The following NHSL1 variants were observed in gnomAD, a reference collection of about 807,000 sequenced individuals.
NHSL1 encodes NHS-like protein 1.
NHSL1 carries 48 observed loss-of-function variants against 95.0 expected under a neutral mutation model. That is an observed-to-expected ratio of 0.51 (90% CI 0.40 to 0.64). The LOEUF (loss-of-function observed/expected upper bound fraction) is 0.64. NHSL1 is among the 30% of genes least tolerant of loss of function. The pLI, the probability that NHSL1 is intolerant of heterozygous loss-of-function variation, is 0.00. For synonymous variants in NHSL1, 783 were observed against 833.9 expected, an observed-to-expected ratio of 0.94 and a Z score of 1.05; for missense variants, 1,971 against 2,077.7, an observed-to-expected ratio of 0.95 and a Z score of 1.00.
At chr6:138,472,295 T>C (rs1403110992) in intron 3 of NHSL1, among the ~76,000 whole-genome samples, 1 of 152,208 alleles carries the variant, frequency 6.6e-6, no homozygotes. Context: ...TCTTGTTTTA[T>C]TGCCCAGGTT....
At chr6:138,576,855 G>T (rs1783980299), upstream of NHSL1, among the ~76,000 whole-genome samples, 1 of 152,110 alleles carries the variant, frequency 6.6e-6, no homozygotes, top group Admixed American at 6.6e-5. Flanking sequence ...ACATTTGAGG[G>T]TCACTTACCC....
intron 1 of NHSL1, among the ~76,000 whole-genome samples, chr6:138,528,434 C>T (rs1300119376): frequency 6.6e-6 from 1 of 152,168 alleles, no homozygotes; most frequent in Non-Finnish European, 1.5e-5. Flanking sequence ...TACCTGCCAA[C>T]CTACCCTGCC....
chr6:138,631,473 G>A (rs1784818577), intron 1 of NHSL1, among the ~76,000 whole-genome samples: 1 of 152,092 alleles, frequency 6.6e-6, no homozygotes, highest in African/African-American at 2.4e-5. Context: ...TTTGAGGTGA[G>A]GAGAGAGAAC....
intron 3 of NHSL1, among the ~76,000 whole-genome samples, chr6:138,471,257 A>G (rs1778731909): frequency 1.3e-5 from 2 of 152,236 alleles, no homozygotes; most frequent in South Asian, 4.2e-4. Context: ...TGTCATGACA[A>G]TGCCAATTTG....
intron 1 of NHSL1, among the ~76,000 whole-genome samples, chr6:138,611,012 A>T (rs2114596500): frequency 6.6e-6 from 1 of 152,068 alleles, no homozygotes; most frequent in South Asian, 2.1e-4. Context: ...CAGAAGGTGG[A>T]GGTTGCAATA....
At chr6:138,659,019 GTATAACA>G (rs1785191458) in intron 1 of NHSL1, among the ~76,000 whole-genome samples, 1 of 147,502 alleles carries the variant, frequency 6.8e-6, no homozygotes, top group Admixed American at 6.7e-5. Flanking sequence ...AAGTCACTAT[GTATAACA>G]TGCTTGAGAT....
upstream of NHSL1, among the ~76,000 whole-genome samples, chr6:138,572,872 T>TAGATAGATAGAC (rs1202892479): frequency 1.3e-5 from 2 of 152,072 alleles, no homozygotes; most frequent in African/African-American, 4.8e-5. Flanking sequence ...GATAGATAGA[T>TAGATAGATAGAC]AGATAGATAG....
chr6:138,552,158 T>A (rs899036946), intron 1 of NHSL1, among the ~76,000 whole-genome samples: 5 of 152,158 alleles, frequency 3.3e-5, no homozygotes, highest in African/African-American at 7.2e-5. Flanking sequence ...TGGTGGCTCA[T>A]GCCTGTAATC....
At chr6:138,563,472 T>C (rs1471662025) in intron 1 of NHSL1, among the ~76,000 whole-genome samples, 1 of 152,212 alleles carries the variant, frequency 6.6e-6, no homozygotes, top group Non-Finnish European at 1.5e-5. Flanking sequence ...AAATTCTAGA[T>C]AATAGCATAG....
At chr6:138,588,609 C>T (rs1424137828) in intron 1 of NHSL1, among the ~76,000 whole-genome samples, 1 of 152,212 alleles carries the variant, frequency 6.6e-6, no homozygotes, top group Non-Finnish European at 1.5e-5. Context: ...CTTGAATCAC[C>T]AGAATCATCT....
chr6:138,683,814 AAAT>A (rs1214843349), intron 1 of NHSL1, among the ~76,000 whole-genome samples: 3 of 152,352 alleles, frequency 2.0e-5, no homozygotes, highest in South Asian at 2.1e-4. Flanking sequence ...TGTCACACAG[AAAT>A]AATAATAATA....
At chr6:138,542,719 A>C (rs924690861) in intron 1 of NHSL1, among the ~76,000 whole-genome samples, 1 of 152,222 alleles carries the variant, frequency 6.6e-6, no homozygotes, top group South Asian at 2.1e-4. Context: ...ATTATGTTCC[A>C]CGTAGCTTTA....
At chr6:138,550,466 T>C (rs1418640662), upstream of NHSL1, among the ~76,000 whole-genome samples, 6 of 152,210 alleles carry the variant, frequency 3.9e-5, no homozygotes, top group East Asian at 1.2e-3. Context: ...TCACAGGATT[T>C]GTAGTCCTCT....
chr6:138,691,796 C>G (rs1437521301), intron 1 of NHSL1: 1 of 421,066 alleles, frequency 2.4e-6, no homozygotes, highest in Admixed American at 2.7e-5. Flanking sequence ...ACTTGACTTT[C>G]AGGGTTGGAG....
At chr6:138,607,816 T>C (rs990593090) in intron 1 of NHSL1, among the ~76,000 whole-genome samples, 2 of 152,222 alleles carry the variant, frequency 1.3e-5, no homozygotes, top group African/African-American at 4.8e-5. Flanking sequence ...ATGGGTGCTT[T>C]GTAATGTCTT....
At chr6:138,619,065 C>T (rs551435071) in intron 1 of NHSL1, among the ~76,000 whole-genome samples, 5 of 152,218 alleles carry the variant, frequency 3.3e-5, no homozygotes, top group South Asian at 2.1e-4. Flanking sequence ...TGGCCAGGTG[C>T]GGTGGCTCAC....
chr6:138,435,470 C>A (rs1367751085), intron 5 of NHSL1, among the ~76,000 whole-genome samples: 1 of 152,052 alleles, frequency 6.6e-6, no homozygotes, highest in Non-Finnish European at 1.5e-5. Context: ...TATTTTATCA[C>A]CCTCTAGAGC....
intron 1 of NHSL1, among the ~76,000 whole-genome samples, chr6:138,529,918 G>A (rs1782067281): frequency 6.6e-6 from 1 of 152,180 alleles, no homozygotes; most frequent in Admixed American, 6.5e-5. Context: ...GACAGACATG[G>A]CAGGAATAAA....
intron 2 of NHSL1, among the ~76,000 whole-genome samples, chr6:138,480,726 A>C (rs1335164014): frequency 2.0e-5 from 3 of 152,224 alleles, no homozygotes; most frequent in African/African-American, 7.2e-5. Context: ...CCAGTCCCAA[A>C]GTTAATTATA....
Sources: gnomAD v4.1 joint callset for allele counts (sites outside exome capture counted in the v4.1 genomes callset) on GRCh38, gnomAD v4.1.1 for gene constraint, MANE v1.5 for transcripts, NCBI Gene and HGNC (gene_info 2026-07-23, HGNC 2026-07-21) for gene names.